SNX13: variants seen among roughly 807,000 people sequenced by gnomAD.
The protein encoded by SNX13 is sorting nexin-13.
Under a neutral mutation model 133.6 loss-of-function variants are expected in SNX13, and 45 were observed. The observed-to-expected ratio is 0.34, with a 90% CI of 0.27 to 0.43. The LOEUF is 0.43. Ranked by LOEUF, SNX13 falls within the 20% of genes least tolerant of loss-of-function variation. SNX13 has a pLI of 1.00. For synonymous variants in SNX13, 414 were observed against 373.9 expected, an observed-to-expected ratio of 1.11 and a Z score of -1.24; for missense variants, 1,032 against 1,145.1, an observed-to-expected ratio of 0.90 and a Z score of 1.43.
chr7:17,920,016 G>GA (rs965326102), intron 1 of SNX13, among the ~76,000 whole-genome samples: 8 of 151,324 alleles, frequency 5.3e-5, no homozygotes, highest in African/African-American at 7.3e-5. Context: ...ATTTTAAAAA[G>GA]AAAAAAAAGT....
Position 17,794,261 on chromosome 7 carries a change from T to G in SNX13, c.2658A>C (p.Thr886=). Residue 886 remains threonine (T), a synonymous_variant, in exon 26 of 26, where the codon ACA becomes ACC. Coordinates refer to ENST00000428135, the MANE Select transcript of SNX13 (RefSeq NM_015132.5). Reference sequence around the variant, plus strand: ...AAACACGAAGAATACCTTTCCGTGTTGTCTCAGCCCCAATAATGTGCTTCA... The same window carrying G: ...AAACACGAAGAATACCTTTCCGTGTGGTCTCAGCCCCAATAATGTGCTTCA... ...DELKHIIGAE[T]TRKGILRVFE... 6.2e-7 allele frequency: 1 copy of G among 1,611,408 alleles called. No homozygotes were observed. The highest frequency in any genetic ancestry group is 8.5e-7 in the Non-Finnish European group (1 of 1,178,372).
At chr7:17,908,005 C>T (rs563146619) in intron 1 of SNX13, among the ~76,000 whole-genome samples, 42 of 152,294 alleles carry the variant, frequency 2.8e-4, no homozygotes, top group Middle Eastern at 3.4e-3. Context: ...TTCAACTACA[C>T]ACTGAACGCT....
chr7:17,843,732 A>C (rs1365532182), intron 12 of SNX13, among the ~76,000 whole-genome samples: 1 of 152,056 alleles, frequency 6.6e-6, no homozygotes, highest in Non-Finnish European at 1.5e-5. Context: ...TCCAACTACA[A>C]TGGGATAAAA....
At chr7:17,864,153 C>T (rs1350920845) in intron 9 of SNX13, among the ~76,000 whole-genome samples, 1 of 152,128 alleles carries the variant, frequency 6.6e-6, no homozygotes, top group African/African-American at 2.4e-5. Flanking sequence ...GCACCAAGAA[C>T]ATCCAGGAAA....
At chr7:17,819,573 G>A (rs1427621992) in intron 18 of SNX13, among the ~76,000 whole-genome samples, 2 of 152,036 alleles carry the variant, frequency 1.3e-5, no homozygotes, top group Non-Finnish European at 2.9e-5. Flanking sequence ...AATGAAACTT[G>A]TTGTAAAATA....
At chr7:17,927,360 A>G (rs1800880896) in intron 1 of SNX13, among the ~76,000 whole-genome samples, 1 of 151,990 alleles carries the variant, frequency 6.6e-6, no homozygotes, top group African/African-American at 2.4e-5. Context: ...CTCCCGCCTC[A>G]GCCTCCTGAG....
chr7:17,850,266 T>C (rs1791052625), intron 11 of SNX13, 81 bp downstream of exon 11: 3 of 834,796 alleles, frequency 3.6e-6, no homozygotes, highest in Non-Finnish European at 3.4e-6. Flanking sequence ...AACGTCCTGC[T>C]TTTTGTCCTT....
intron 8 of SNX13, among the ~76,000 whole-genome samples, chr7:17,871,069 G>A (rs1044696165): frequency 9.9e-5 from 15 of 151,420 alleles, no homozygotes; most frequent in Middle Eastern, 3.4e-3. Flanking sequence ...GCAGTGGCGC[G>A]ATCTCAGCTC....
At chr7:17,891,889 G>C (rs1461124839) in intron 3 of SNX13, among the ~76,000 whole-genome samples, 1 of 151,970 alleles carries the variant, frequency 6.6e-6, no homozygotes, top group East Asian at 1.9e-4. Context: ...CAAATGTACA[G>C]GTATGCTGCT....
At chr7:17,891,896 T>C (rs574089628) in intron 3 of SNX13, among the ~76,000 whole-genome samples, 1 of 152,246 alleles carries the variant, frequency 6.6e-6, no homozygotes, top group South Asian at 2.1e-4. Flanking sequence ...ACAGGTATGC[T>C]GCTGCCATAT....
intron 1 of SNX13, among the ~76,000 whole-genome samples, chr7:17,909,065 G>C (rs746210940): frequency 4.0e-5 from 6 of 151,750 alleles, no homozygotes; most frequent in Non-Finnish European, 7.4e-5. Context: ...GACATGAAGA[G>C]ACACTTTGCA....
Position 17,830,000 on chromosome 7 carries a change from T to C in SNX13, c.1635+10A>G, listed in dbSNP as rs1193482882. 3.3e-6 allele frequency: 5 copies of C among 1,520,736 alleles called. No individual in the cohort carries two copies. The highest frequency in any genetic ancestry group is 2.0e-5 in the Admixed American group (1 of 50,478). The allele number at this position is 1,520,736 out of a possible 1,614,324, so 94.2% of individuals were successfully genotyped here. A position where few individuals can be genotyped will look rare whatever the true frequency, so the allele number is the denominator to read the frequency against. On this transcript the variant is annotated intron_variant, in intron 16 of 25. Coordinates refer to ENST00000428135, the MANE Select transcript of SNX13 (RefSeq NM_015132.5). ...AGTCACTTTAATAAAGTACCCATAA[T>C]AGTACTTACCAAATTTATGCTTCCT...
intron 11 of SNX13, among the ~76,000 whole-genome samples, chr7:17,848,051 C>T (rs1790757429): frequency 6.6e-6 from 1 of 152,108 alleles, no homozygotes; most frequent in Non-Finnish European, 1.5e-5. Context: ...TTTTCCTGCT[C>T]GAATGTTGCC....
intron 21 of SNX13, 131 bp from the exon 22 acceptor site, chr7:17,801,790 C>T: frequency 3.5e-6 from 2 of 571,062 alleles, no homozygotes; most frequent in Middle Eastern, 5.6e-4. Flanking sequence ...CCAAATTTAA[C>T]AATCTAAAAT....
intron 9 of SNX13, among the ~76,000 whole-genome samples, chr7:17,855,263 C>G (rs1283329843): frequency 6.6e-6 from 1 of 152,166 alleles, no homozygotes; most frequent in East Asian, 1.9e-4. Flanking sequence ...GTCTCCATAA[C>G]ACAGAAGTAC....
chr7:17,834,223 G>T, intron 14 of SNX13, 39 bp from the exon 15 acceptor site: 3 of 1,477,634 alleles, frequency 2.0e-6, no homozygotes, highest in Non-Finnish European at 9.1e-7. Flanking sequence ...AATTAATACA[G>T]GTGTGTGGTG....
intron 1 of SNX13, among the ~76,000 whole-genome samples, chr7:17,900,701 A>T (rs1179501886): frequency 6.6e-6 from 1 of 151,454 alleles, no homozygotes; most frequent in Non-Finnish European, 1.5e-5. Flanking sequence ...CTCTCCCTTC[A>T]GGGCAATGGG....
chr7:17,809,630 T>C (rs1302370841), intron 20 of SNX13, among the ~76,000 whole-genome samples: 1 of 152,216 alleles, frequency 6.6e-6, no homozygotes, highest in African/African-American at 2.4e-5. Flanking sequence ...CTAACAGATA[T>C]CTACAGAACT....
intron 22 of SNX13, among the ~76,000 whole-genome samples, chr7:17,800,803 A>G (rs756922303): frequency 2.0e-5 from 3 of 149,976 alleles, no homozygotes; most frequent in Middle Eastern, 3.4e-3. Context: ...GCCAATAAAC[A>G]TATAAAAAGG....
Sources: allele counts gnomAD v4.1 joint callset (sites outside exome capture counted in the v4.1 genomes callset), GRCh38; gene constraint gnomAD v4.1.1; transcripts MANE v1.5; gene names NCBI Gene and HGNC (gene_info 2026-07-23, HGNC 2026-07-21).